The following INTS7 variants were observed in gnomAD, a reference collection of about 807,000 sequenced individuals.
The protein encoded by INTS7 is chromosome 1 open reading frame 73.
Under a neutral mutation model 109.2 loss-of-function variants are expected in INTS7, and 46 were observed. The observed-to-expected ratio is 0.42, with a 90% CI of 0.33 to 0.54. INTS7 has a LOEUF of 0.54. Among genes scored for constraint, INTS7 ranks in the 20% least tolerant of loss-of-function variants. The probability of loss-of-function intolerance (pLI) is 0.07; values close to 1 mark genes in which losing one functional copy is unlikely to be tolerated. For missense variants in INTS7, 929 were observed against 1,132.4 expected (o/e 0.82, Z 2.58); for synonymous variants, 412 against 402.9 (o/e 1.02, Z -0.27).
At chr1:211,979,044 C>T (rs1664540327) in intron 10 of INTS7, among the ~76,000 whole-genome samples, 1 of 152,192 alleles carries the variant, frequency 6.6e-6, no homozygotes, top group Non-Finnish European at 1.5e-5. Context: ...TATTTCTCAA[C>T]TGAAATCTAA....
At chr1:211,947,972 G>A (rs545181750) in intron 17 of INTS7, among the ~76,000 whole-genome samples, 77 of 152,268 alleles carry the variant, frequency 5.1e-4, no homozygotes, top group African/African-American at 1.7e-3. Context: ...ACTGAAGTTA[G>A]GCAAACTTCT....
At chr1:211,972,713 T>C (rs1372164756) in intron 13 of INTS7, among the ~76,000 whole-genome samples, 2 of 152,116 alleles carry the variant, frequency 1.3e-5, no homozygotes, top group Non-Finnish European at 2.9e-5. Context: ...TCATTCTGAG[T>C]GAATCGGATC....
chr1:211,954,465 C>T (rs1382427608), intron 16 of INTS7, among the ~76,000 whole-genome samples: 1 of 152,148 alleles, frequency 6.6e-6, no homozygotes, highest in Non-Finnish European at 1.5e-5. Flanking sequence ...ACATGAAGTC[C>T]TTGCCCATGC....
chr1:211,993,835 G>A (rs1476008600), intron 7 of INTS7, among the ~76,000 whole-genome samples: 8 of 151,932 alleles, frequency 5.3e-5, no homozygotes, highest in Non-Finnish European at 1.0e-4. Context: ...TGAAACTATC[G>A]TTTTTGACTA....
chr1:212,001,174 C>T (rs1487602623), intron 7 of INTS7, among the ~76,000 whole-genome samples: 1 of 150,334 alleles, frequency 6.7e-6, no homozygotes, highest in Non-Finnish European at 1.5e-5. Flanking sequence ...TCAAGCGATT[C>T]TCCTGCCTCA....
At chr1:211,967,051 T>C (rs904063528) in intron 15 of INTS7, among the ~76,000 whole-genome samples, 1 of 152,126 alleles carries the variant, frequency 6.6e-6, no homozygotes, top group African/African-American at 2.4e-5. Flanking sequence ...GTAAACTAAA[T>C]GCCAAGAACT....
chr1:211,987,839 A>C, intron 8 of INTS7, 47 bp downstream of exon 8: 1 of 1,072,038 alleles, frequency 9.3e-7, no homozygotes, highest in Non-Finnish European at 1.4e-6. Context: ...AATATGGATA[A>C]AGGAGTTAGC....
In INTS7 at chr1:211,959,916, G is replaced by A. The variant is rs151194176; in HGVS notation, c.2183+6514C>T. Among the ~76,000 whole-genome samples, 10 of 152,304 alleles carry A rather than the reference G, an allele frequency of 6.6e-5. No individual in the cohort carries two copies. In the East Asian group the frequency reaches 1.7e-3, roughly 26 times the overall value. On this transcript the variant is annotated intron_variant, in intron 16 of 19. Coordinates refer to ENST00000366994, the MANE Select transcript of INTS7 (RefSeq NM_015434.4). The surrounding 1 kb of genome is among the most constrained non-coding windows in gnomAD (Gnocchi z 4.2). ...TGCTGTGAAGGCCCACACAAAGGCC[G>A]GCATCCCAGACCTGCTAGTATCCTG... is the stretch of plus-strand genomic sequence containing the variant.
chr1:211,969,781 C>T (rs919004185), intron 13 of INTS7, among the ~76,000 whole-genome samples: 2 of 150,926 alleles, frequency 1.3e-5, no homozygotes, highest in Non-Finnish European at 2.9e-5. Context: ...TGCAATGGCA[C>T]GATCTCGGCT....
intron 4 of INTS7, among the ~76,000 whole-genome samples, chr1:212,014,008 T>C (rs1358329778): frequency 2.0e-5 from 3 of 152,170 alleles, no homozygotes; most frequent in Non-Finnish European, 4.4e-5. Context: ...GGGAAAAAAA[T>C]GCTTATTTTC....
intron 5 of INTS7, among the ~76,000 whole-genome samples, chr1:212,008,414 C>T (rs1360690149): frequency 6.6e-6 from 1 of 152,100 alleles, no homozygotes; most frequent in Non-Finnish European, 1.5e-5. Context: ...CTTTCTCTGG[C>T]TGTTCCTTCT....
At chr1:212,034,241 AGG>A (rs1018276595) in intron 1 of INTS7, among the ~76,000 whole-genome samples, 2 of 152,162 alleles carry the variant, frequency 1.3e-5, no homozygotes, top group African/African-American at 4.8e-5. Flanking sequence ...ATATCCCATT[AGG>A]GGGCTGTGAA....
At chr1:211,988,103 A>G (rs949921207) in intron 7 of INTS7, 100 bp from the exon 8 acceptor site, 14 of 588,564 alleles carry the variant, frequency 2.4e-5, no homozygotes, top group Non-Finnish European at 4.0e-5. Context: ...AAAATTATAT[A>G]TTAAGGACTT....
In INTS7 at chr1:211,987,931, G is replaced by T; in HGVS notation, c.952C>A (p.Leu318Ile). The change falls in exon 8 of 20, where the codon CTA (leucine) becomes ATA (isoleucine). Residue 318 changes from leucine (L) to isoleucine (I), a missense_variant. Coordinates refer to ENST00000366994, the MANE Select transcript of INTS7 (RefSeq NM_015434.4). ...KLGMLSVLST[L>I]SGTIAIKHYF... Reference sequence around the variant, plus strand: ...TGTTTGATGGCGATGGTCCCTGATAGTGTGGAAAGGACAGACAACATCCCT... The same window carrying T: ...TGTTTGATGGCGATGGTCCCTGATATTGTGGAAAGGACAGACAACATCCCT... 1 of 1,612,200 alleles carries T rather than the reference G, an allele frequency of 6.2e-7. No individual in the cohort carries two copies. The highest frequency in any genetic ancestry group is 2.2e-5 in the East Asian group (1 of 44,846).
chr1:211,948,294 A>T (rs548771640), intron 17 of INTS7, among the ~76,000 whole-genome samples: 1 of 152,368 alleles, frequency 6.6e-6, no homozygotes, highest in South Asian at 2.1e-4. Flanking sequence ...TGAGATAATC[A>T]CAACACAGAT....
At chr1:212,003,305 CAAAAAA>C (rs35903155) in intron 7 of INTS7, among the ~76,000 whole-genome samples, 2 of 61,896 alleles carry the variant, frequency 3.2e-5, no homozygotes, top group Non-Finnish European at 6.9e-5. Flanking sequence ...AATTTTAAAG[CAAAAAA>C]AAAAAAAAAA....
rs1188630739 is a variant in INTS7, at chr1:212,020,130, G to A, written c.363C>T (p.Ile121=). The change falls in exon 3 of 20, where the codon ATC becomes ATT. Residue 121 remains isoleucine, a synonymous_variant. Coordinates refer to ENST00000366994, the MANE Select transcript of INTS7 (RefSeq NM_015434.4). Reference sequence around the variant, plus strand: ...TATAATACGGTATATACCGGAGGGTGATGGCTCTTGCCACAGGATCATTAC... The same window carrying A: ...TATAATACGGTATATACCGGAGGGTAATGGCTCTTGCCACAGGATCATTAC... ...IHSNDPVARA[I]TLRMLGSLAS... The A allele has an allele frequency of 6.2e-7, 1 of 1,600,022 alleles. No homozygotes were observed. Among genetic ancestry groups the A allele is most frequent in the African/African-American group, 1.3e-5 (1 of 74,302 alleles).
intron 1 of INTS7, among the ~76,000 whole-genome samples, chr1:212,024,843 C>A (rs1054240285): frequency 6.6e-6 from 1 of 152,154 alleles, no homozygotes; most frequent in African/African-American, 2.4e-5. Flanking sequence ...TGGCTCCTAG[C>A]ATTGAAAATC....
intron 19 of INTS7, among the ~76,000 whole-genome samples, chr1:211,944,204 G>A (rs1662749603): frequency 6.6e-6 from 1 of 151,754 alleles, no homozygotes; most frequent in South Asian, 2.1e-4. Flanking sequence ...GAGGGATTGG[G>A]TGGGTTAGGG....
Sources: allele counts gnomAD v4.1 joint callset (sites outside exome capture counted in the v4.1 genomes callset), GRCh38; gene constraint gnomAD v4.1.1; non-coding constraint Gnocchi (gnomAD v3.1); transcripts MANE v1.5; gene names NCBI Gene and HGNC (gene_info 2026-07-23, HGNC 2026-07-21).